Variants in PDE12 observed in about 807,000 individuals in gnomAD.
PDE12 encodes the protein phosphodiesterase 12, also known as 2',5'-phosphodiesterase 12.
PDE12 carries 26 observed loss-of-function variants against 45.4 expected under a neutral mutation model. The observed-to-expected ratio is 0.57, with a 90% CI of 0.42 to 0.79. The LOEUF (loss-of-function observed/expected upper bound fraction) is 0.79, where lower values mean the gene tolerates loss of function less well. Among genes scored for constraint, PDE12 ranks in the 30% least tolerant of loss-of-function variants. The pLI is 0.00. For missense variants in PDE12, 668 were observed against 790.0 expected, an observed-to-expected ratio of 0.85 and a Z score of 1.85; for synonymous variants, 283 against 323.9, an observed-to-expected ratio of 0.87 and a Z score of 1.36.
the PDE12 span, among the ~76,000 whole-genome samples, chr3:57,653,971 G>GGA: frequency 2.1e-5 from 2 of 95,312 alleles, no homozygotes; most frequent in African/African-American, 8.5e-5. Context: ...TTTTTGAGAT[G>GGA]GAGTCTCACT....
the PDE12 span, among the ~76,000 whole-genome samples, chr3:57,581,974 TC>T: frequency 6.6e-6 from 1 of 152,034 alleles, no homozygotes; most frequent in Non-Finnish European, 1.5e-5. Context: ...ATCCAAAACT[TC>T]CCGAGCACCA....
the PDE12 span, among the ~76,000 whole-genome samples, chr3:57,651,825 A>G: frequency 1.3e-5 from 2 of 152,236 alleles, no homozygotes; most frequent in South Asian, 4.1e-4. Context: ...GACAATTTGA[A>G]TATCAAAATA....
At chr3:57,603,347 TA>T in the PDE12 span, among the ~76,000 whole-genome samples, 3 of 152,154 alleles carry the variant, frequency 2.0e-5, no homozygotes, top group East Asian at 1.9e-4. Context: ...TTTATTTATT[TA>T]TTTTTTTTAA....
chr3:57,647,324 A>G, the PDE12 span, among the ~76,000 whole-genome samples: 12 of 152,312 alleles, frequency 7.9e-5, no homozygotes, highest in African/African-American at 2.6e-4. Flanking sequence ...CTCATGGGTA[A>G]GGCAAAGGAG....
At chr3:57,628,167 T>A in the PDE12 span, 1 of 1,586,466 alleles carries the variant, frequency 6.3e-7, no homozygotes, top group Non-Finnish European at 8.6e-7. Context: ...AATGTCAGTA[T>A]GCTTCATGAT....
At chr3:57,603,049 C>A in the PDE12 span, among the ~76,000 whole-genome samples, 9 of 151,838 alleles carry the variant, frequency 5.9e-5, no homozygotes, top group African/African-American at 1.7e-4. Flanking sequence ...CGCCTGTAAT[C>A]CCAACTACTC....
At chr3:57,605,413 C>T in the PDE12 span, among the ~76,000 whole-genome samples, 1 of 152,096 alleles carries the variant, frequency 6.6e-6, no homozygotes. Context: ...TGGTTGGGAA[C>T]AATGCCTGGT....
chr3:57,652,638 A>G, the PDE12 span, among the ~76,000 whole-genome samples: 2 of 152,232 alleles, frequency 1.3e-5, no homozygotes, highest in African/African-American at 4.8e-5. Flanking sequence ...CCTAATTACA[A>G]AAGAAAAAAC....
At position 57,565,968 on chromosome 3, in the gene PDE12, C is replaced by T. The variant is rs1239412441; in HGVS notation, c.*5964C>T. The T allele has an allele frequency of 6.6e-6, 1 of 152,016 alleles. No homozygotes were observed. Among genetic ancestry groups the T allele is most frequent in the African/African-American group, 2.4e-5 (1 of 41,374 alleles). 9.4% of individuals were successfully genotyped at this position (152,016 alleles called of 1,614,324 possible). A position where few individuals can be genotyped will look rare whatever the true frequency, so the allele number is the denominator to read the frequency against. ...GCTATAGTGTTTTGGGTATCTTAAA[C>T]CAAGAAAGGGTATTTCTATCCCAGC... On this transcript the variant is annotated 3_prime_UTR_variant, in exon 3 of 3. Transcript: ENST00000311180.
At chr3:57,567,311 CAAA>C (rs373564365), downstream of PDE12, among the ~76,000 whole-genome samples, 1 of 115,330 alleles carries the variant, frequency 8.7e-6, no homozygotes, top group Admixed American at 9.1e-5. Context: ...GACTCCGTGT[CAAA>C]AAAAAAAAAA....
chr3:57,568,884 G>C (rs1358276559), downstream of PDE12, among the ~76,000 whole-genome samples: 3 of 150,904 alleles, frequency 2.0e-5, no homozygotes, highest in African/African-American at 7.3e-5. Flanking sequence ...AATGCTTATT[G>C]GACAGGGGAA....
At chr3:57,649,630 GAAAA>G in the PDE12 span, among the ~76,000 whole-genome samples, 1 of 146,306 alleles carries the variant, frequency 6.8e-6, no homozygotes, top group African/African-American at 2.5e-5. Flanking sequence ...ATCAATGAGT[GAAAA>G]AAAAAAAATA....
At chr3:57,643,403 C>G in the PDE12 span, among the ~76,000 whole-genome samples, 1 of 152,120 alleles carries the variant, frequency 6.6e-6, no homozygotes, top group East Asian at 1.9e-4. Flanking sequence ...GTGCTTAAAA[C>G]ATCCCCCTCC....
At chr3:57,613,477 A>G in the PDE12 span, among the ~76,000 whole-genome samples, 1 of 151,588 alleles carries the variant, frequency 6.6e-6, no homozygotes, top group East Asian at 2.0e-4. Flanking sequence ...TATTTTTCGT[A>G]GAGACAGGGT....
chr3:57,573,939 TTTTG>T, the PDE12 span, among the ~76,000 whole-genome samples: 8 of 150,444 alleles, frequency 5.3e-5, no homozygotes, highest in South Asian at 2.1e-4. Context: ...GGTTGTTTTT[TTTTG>T]TTTGTTTGTT....
At chr3:57,583,242 T>C in the PDE12 span, among the ~76,000 whole-genome samples, 1 of 152,140 alleles carries the variant, frequency 6.6e-6, no homozygotes, top group Non-Finnish European at 1.5e-5. Flanking sequence ...ACCCAGGTGA[T>C]TGATATGCAT....
the PDE12 span, among the ~76,000 whole-genome samples, chr3:57,649,805 C>T: frequency 4.0e-5 from 6 of 150,100 alleles, no homozygotes; most frequent in East Asian, 1.2e-3. Flanking sequence ...GATTGACCCC[C>T]CACCCCCACC....
chr3:57,621,849 A>G, the PDE12 span, among the ~76,000 whole-genome samples: 1 of 151,918 alleles, frequency 6.6e-6, no homozygotes, highest in Non-Finnish European at 1.5e-5. Flanking sequence ...TTTGCAATGC[A>G]TGTATCTGAA....
chr3:57,567,488 C>T (rs2069796435), downstream of PDE12, among the ~76,000 whole-genome samples: 1 of 152,108 alleles, frequency 6.6e-6, no homozygotes, highest in South Asian at 2.1e-4. Flanking sequence ...TTCTGCTATT[C>T]ATTTCTCACA....
Sources: gnomAD v4.1 joint callset for allele counts (sites outside exome capture counted in the v4.1 genomes callset) on GRCh38, gnomAD v4.1.1 for gene constraint, MANE v1.5 for transcripts, NCBI Gene and HGNC (gene_info 2026-07-23, HGNC 2026-07-21) for gene names.